The following FOXJ3 variants were observed in gnomAD, a reference collection of about 807,000 sequenced individuals.
The protein encoded by FOXJ3 is forkhead box J3, also known as forkhead box protein J3.
Under a neutral mutation model 76.1 loss-of-function variants are expected in FOXJ3, and 22 were observed. The ratio of observed to expected loss-of-function variants is 0.29; its 90% CI spans 0.21 to 0.41. FOXJ3 has a LOEUF of 0.41. Among genes scored for constraint, FOXJ3 ranks in the 10% least tolerant of loss-of-function variants. FOXJ3 has a pLI of 1.00. For synonymous variants in FOXJ3, 269 were observed against 261.2 expected (o/e 1.03, Z -0.29); for missense variants, 613 against 762.1 (o/e 0.80, Z 2.30).
chr1:42,262,561 C>T (rs973114825), intron 4 of FOXJ3, among the ~76,000 whole-genome samples: 7 of 152,138 alleles, frequency 4.6e-5, no homozygotes, highest in Non-Finnish European at 8.8e-5. Context: ...TTAAACCTCG[C>T]TTTGTGGCCA....
intron 2 of FOXJ3, among the ~76,000 whole-genome samples, chr1:42,285,689 T>C (rs1175426490): frequency 6.7e-6 from 1 of 148,930 alleles, no homozygotes; most frequent in Non-Finnish European, 1.5e-5. Context: ...TGAAAGACCA[T>C]AAAGGACAAT....
intron 1 of FOXJ3, among the ~76,000 whole-genome samples, chr1:42,324,270 A>G (rs1036610319): frequency 7.0e-6 from 1 of 142,854 alleles, no homozygotes; most frequent in Non-Finnish European, 1.5e-5. Flanking sequence ...ACACATATAT[A>G]CACTATATAT....
At chr1:42,292,929 A>G (rs1388741829) in intron 2 of FOXJ3, among the ~76,000 whole-genome samples, 1 of 152,078 alleles carries the variant, frequency 6.6e-6, no homozygotes, top group African/African-American at 2.4e-5. Flanking sequence ...GGTGAAATCC[A>G]TTTCTACAAA....
intron 1 of FOXJ3, among the ~76,000 whole-genome samples, chr1:42,316,803 A>G (rs755411763): frequency 6.6e-6 from 1 of 152,194 alleles, no homozygotes; most frequent in South Asian, 2.1e-4. Flanking sequence ...GTATGTTCTC[A>G]TAAGTGGGAG....
intron 4 of FOXJ3, among the ~76,000 whole-genome samples, chr1:42,240,272 A>G (rs1352518560): frequency 6.6e-6 from 1 of 152,192 alleles, no homozygotes; most frequent in Non-Finnish European, 1.5e-5. Flanking sequence ...TTTAATGTTA[A>G]GATGGCGACA....
intron 12 of FOXJ3, among the ~76,000 whole-genome samples, chr1:42,181,009 G>C (rs1569742674): frequency 6.6e-6 from 1 of 152,200 alleles, no homozygotes; most frequent in Non-Finnish European, 1.5e-5. Flanking sequence ...CTTCAGCAAA[G>C]GACATATCAC....
At chr1:42,231,663 T>G (rs1648127919) in intron 4 of FOXJ3, among the ~76,000 whole-genome samples, 1 of 152,136 alleles carries the variant, frequency 6.6e-6, no homozygotes, top group African/African-American at 2.4e-5. Flanking sequence ...AAAAAGTACC[T>G]CTCAGCCGTT....
chr1:42,312,449 C>T (rs144467818), intron 1 of FOXJ3, among the ~76,000 whole-genome samples: 6 of 152,294 alleles, frequency 3.9e-5, no homozygotes, highest in South Asian at 4.2e-4. Context: ...TGATTGAAGT[C>T]CCTGCATCTA....
In FOXJ3 at chr1:42,229,445, A is replaced by T. The variant is rs528570400; in HGVS notation, c.445-1479T>A. 4.6e-5 allele frequency among the ~76,000 whole-genome samples: 7 copies of T among 152,324 alleles called. No individual in the cohort carries two copies. In the South Asian group the frequency reaches 1.4e-3, roughly 32 times the overall value. On this transcript the variant is annotated intron_variant, in intron 4 of 12. Transcript: ENST00000361346. ...AAAAAGCTGTTTAACAAACTGCACC[A>T]AGAATATCAGTGTACAGGGTACTAC... is the stretch of plus-strand genomic sequence containing the variant.
intron 11 of FOXJ3, among the ~76,000 whole-genome samples, chr1:42,187,442 C>T (rs1408748283): frequency 6.6e-6 from 1 of 152,034 alleles, no homozygotes; most frequent in Admixed American, 6.6e-5. Flanking sequence ...TACACCTGGT[C>T]TAAGGAGGAC....
chr1:42,307,122 A>T lies in FOXJ3; in HGVS notation c.44+3928T>A, dbSNP rs1045555165. On this transcript the variant is annotated intron_variant, in intron 2 of 12. Transcript: ENST00000361346. ...TCTTCCTATCTAATCTTCAGGTTTC[A>T]TAAGAGCCATTTCCCCAGCAAAGGC... Among the ~76,000 whole-genome samples, 60 of 152,260 alleles carry T rather than the reference A, an allele frequency of 3.9e-4. 2 individuals carry two copies. The highest frequency in any genetic ancestry group is 1.0e-4 in the Non-Finnish European group (7 of 68,040).
At chr1:42,243,845 T>C (rs1649337179) in intron 4 of FOXJ3, among the ~76,000 whole-genome samples, 1 of 152,198 alleles carries the variant, frequency 6.6e-6, no homozygotes, top group Non-Finnish European at 1.5e-5. Flanking sequence ...CTACCGAATA[T>C]TTTATCCAAC....
At chr1:42,317,489 C>T (rs1044481483) in intron 1 of FOXJ3, among the ~76,000 whole-genome samples, 1 of 142,058 alleles carries the variant, frequency 7.0e-6, no homozygotes, top group African/African-American at 2.6e-5. Flanking sequence ...AGAAGAGAGG[C>T]CACACAGATA....
At chr1:42,226,577 T>C (rs368378153) in intron 5 of FOXJ3, among the ~76,000 whole-genome samples, 1 of 151,828 alleles carries the variant, frequency 6.6e-6, no homozygotes, top group Non-Finnish European at 1.5e-5. Context: ...CATTGCACTC[T>C]AGCCTGGGTG....
intron 9 of FOXJ3, 45 bp from the exon 10 acceptor site, chr1:42,189,449 T>A (rs1297571532): frequency 2.2e-6 from 3 of 1,374,334 alleles, no homozygotes; most frequent in South Asian, 2.4e-5. Flanking sequence ...GGTGAAAGGG[T>A]GAAGTGTGGT....
chr1:42,258,942 A>G (rs1222640512), intron 4 of FOXJ3, among the ~76,000 whole-genome samples: 1 of 152,218 alleles, frequency 6.6e-6, no homozygotes, highest in East Asian at 1.9e-4. Flanking sequence ...ATAGCTCAAT[A>G]TCTGTCAAGT....
chr1:42,290,265 T>TAA (rs1653334475), intron 2 of FOXJ3, among the ~76,000 whole-genome samples: 1 of 152,108 alleles, frequency 6.6e-6, no homozygotes, highest in African/African-American at 2.4e-5. Context: ...AGGAATAAGT[T>TAA]AAGCTAGAAT....
Position 42,181,931 on chromosome 1 carries a change from C to G in FOXJ3, c.1739G>C (p.Gly580Ala). 1.2e-6 allele frequency: 2 copies of G among 1,607,012 alleles called. No individual in the cohort carries two copies. Among genetic ancestry groups the G allele is most frequent in the South Asian group, 1.1e-5 (1 of 90,790 alleles). ...PHIPQALSTP[G>A]TTMAGHHRAM... is the part of the protein sequence containing the mutation. ...CTCTCTCTTACCTGCCATCGTTGTT[C>G]CTGGAGTGCTGAGTGCCTGTGGGAT... The change falls in exon 12 of 13, where the codon GGA becomes GCA. Residue 580 changes from glycine to alanine, a missense_variant. Coordinates refer to ENST00000361346, the MANE Select transcript of FOXJ3 (RefSeq NM_014947.5).
intron 2 of FOXJ3, among the ~76,000 whole-genome samples, chr1:42,301,994 T>A (rs1417987094): frequency 6.6e-6 from 1 of 152,148 alleles, no homozygotes; most frequent in Admixed American, 6.5e-5. Context: ...TCAGAAGGTG[T>A]CTATAATATA....
Sources: allele counts gnomAD v4.1 joint callset (sites outside exome capture counted in the v4.1 genomes callset), GRCh38; gene constraint gnomAD v4.1.1; transcripts MANE v1.5; gene names NCBI Gene and HGNC (gene_info 2026-07-23, HGNC 2026-07-21).